Variants in IL23R observed in about 807,000 individuals in gnomAD.
The protein encoded by IL23R is interleukin-23 receptor.
IL23R carries 34 observed loss-of-function variants against 56.9 expected under a neutral mutation model. The observed-to-expected ratio is 0.60, with a 90% confidence interval of 0.45 to 0.80. The LOEUF (loss-of-function observed/expected upper bound fraction) is 0.80, where lower values mean the gene tolerates loss of function less well. IL23R is among the 30% of genes least tolerant of loss of function. IL23R has a pLI of 0.00. For synonymous variants in IL23R, 230 were observed against 249.2 expected, an observed-to-expected ratio of 0.92 and a Z score of 0.73; for missense variants, 635 against 730.0, an observed-to-expected ratio of 0.87 and a Z score of 1.50.
chr1:67,244,407 A>G (rs1652057229), intron 9 of IL23R, among the ~76,000 whole-genome samples: 1 of 152,094 alleles, frequency 6.6e-6, no homozygotes, highest in African/African-American at 2.4e-5. Context: ...CCTGAATGGT[A>G]TTATCTAGGT....
At chr1:67,166,927 C>G (rs1558222571) in intron 1 of IL23R, among the ~76,000 whole-genome samples, 1 of 152,050 alleles carries the variant, frequency 6.6e-6, no homozygotes, top group Non-Finnish European at 1.5e-5. Context: ...AGAAAAAGCT[C>G]AGGTTTTATT....
chr1:67,261,712 C>G (rs1190964454), downstream of IL23R, among the ~76,000 whole-genome samples: 1 of 152,106 alleles, frequency 6.6e-6, no homozygotes, highest in Non-Finnish European at 1.5e-5. Context: ...TGTTTGCAAA[C>G]CTGATGAAGA....
At chr1:67,167,195 C>T (rs1162068032) in intron 1 of IL23R, among the ~76,000 whole-genome samples, 2 of 152,078 alleles carry the variant, frequency 1.3e-5, no homozygotes, top group Admixed American at 6.5e-5. Flanking sequence ...CTTCACCTCC[C>T]GGGTAGCTGG....
the IL23R span, among the ~76,000 whole-genome samples, chr1:67,265,239 A>G: frequency 1.3e-5 from 2 of 152,236 alleles, no homozygotes; most frequent in African/African-American, 4.8e-5. Context: ...ATGCATTTTT[A>G]TTTCTGAACT....
chr1:67,175,558 G>C (rs1361878524), intron 3 of IL23R, among the ~76,000 whole-genome samples: 1 of 152,130 alleles, frequency 6.6e-6, no homozygotes, highest in Non-Finnish European at 1.5e-5. Flanking sequence ...GACTCTTCCA[G>C]ATACCTTGTG....
intron 6 of IL23R, among the ~76,000 whole-genome samples, chr1:67,210,429 G>C (rs566574873): frequency 6.6e-6 from 1 of 151,666 alleles, no homozygotes; most frequent in East Asian, 1.9e-4. Context: ...TTAAGAAATA[G>C]TTTCTGGCCT....
At chr1:67,234,680 GTTACCTT>G (rs1224667466) in intron 7 of IL23R, among the ~76,000 whole-genome samples, 1 of 144,182 alleles carries the variant, frequency 6.9e-6, no homozygotes, top group East Asian at 2.0e-4. Flanking sequence ...TGAAAATTGT[GTTACCTT>G]TTAATGTAGT....
chr1:67,224,594 C>T lies in IL23R; in HGVS notation c.955+4864C>T, dbSNP rs555118900. 6.6e-5 allele frequency among the ~76,000 whole-genome samples: 10 copies of T among 152,344 alleles called. No homozygotes were observed. In the East Asian group the frequency reaches 1.7e-3, roughly 26 times the overall value. Reference sequence around the variant, plus strand: ...CTGTTGCTTTCCCTCTGAATAGTGCCTGGCTTGGCCATTAAAAACCTGGTC... The same window carrying T: ...CTGTTGCTTTCCCTCTGAATAGTGCTTGGCTTGGCCATTAAAAACCTGGTC... On this transcript the variant is annotated intron_variant, in intron 7 of 10. Coordinates refer to ENST00000347310, the MANE Select transcript of IL23R (RefSeq NM_144701.3).
chr1:67,159,906 C>G (rs1646803285), intron 1 of IL23R, among the ~76,000 whole-genome samples: 1 of 152,164 alleles, frequency 6.6e-6, no homozygotes, highest in South Asian at 2.1e-4. Context: ...CAGACCTGCC[C>G]ATGATTGTTA....
At chr1:67,155,354 A>T (rs1326783672) in intron 1 of IL23R, among the ~76,000 whole-genome samples, 1 of 152,046 alleles carries the variant, frequency 6.6e-6, no homozygotes, top group African/African-American at 2.4e-5. Context: ...TAGGTTGGGG[A>T]AGTTCTCCTG....
chr1:67,155,512 C>T (rs1373762047), intron 1 of IL23R, among the ~76,000 whole-genome samples: 1 of 152,038 alleles, frequency 6.6e-6, no homozygotes, highest in African/African-American at 2.4e-5. Flanking sequence ...TTTCTCTAAT[C>T]TTGTCTGTGT....
At chr1:67,147,970 G>A (rs1002787796) in intron 1 of IL23R, among the ~76,000 whole-genome samples, 1 of 152,190 alleles carries the variant, frequency 6.6e-6, no homozygotes, top group Non-Finnish European at 1.5e-5. Context: ...TGGCCTCATG[G>A]ATTCTAAGGA....
intron 7 of IL23R, among the ~76,000 whole-genome samples, chr1:67,228,065 G>C (rs111760419): frequency 0.86 from 72,414 of 84,668 alleles, 31,611 homozygotes; most frequent in East Asian, 0.96. Flanking sequence ...TTCTTTCTCT[G>C]TCTCTCTCTT....
chr1:67,142,940 T>G (rs1481214958), intron 1 of IL23R, among the ~76,000 whole-genome samples: 1 of 152,238 alleles, frequency 6.6e-6, no homozygotes, highest in African/African-American at 2.4e-5. Flanking sequence ...CCTTACTTAA[T>G]CTTCCCTATA....
chr1:67,200,644 C>A, intron 4 of IL23R, 93 bp from the exon 5 acceptor site: 1 of 1,351,220 alleles, frequency 7.4e-7, no homozygotes, highest in East Asian at 2.4e-5. Flanking sequence ...CTTGGTCTCC[C>A]AAAATGCTAG....
rs1334608905 is a variant in IL23R, at chr1:67,219,517, T to C, written c.799-57T>C. 4.5e-6 allele frequency: 7 copies of C among 1,539,818 alleles called. No homozygotes were observed. In the Middle Eastern group the frequency reaches 5.1e-4, roughly 111 times the overall value. ...AGGTGTTCCATACATTTCTGCTAAA[T>C]AAAATAGTTGTTTTAAAAGCACACC... On this transcript the variant is annotated intron_variant, in intron 6 of 10. Coordinates refer to ENST00000347310, the MANE Select transcript of IL23R (RefSeq NM_144701.3).
At position 67,259,272 on chromosome 1, in the gene IL23R, C is replaced by T. The variant is rs149543590; in HGVS notation, c.*144C>T. 2 of 802,312 alleles carry T rather than the reference C, an allele frequency of 2.5e-6. No homozygotes were observed. The highest frequency in any genetic ancestry group is 4.1e-6 in the Non-Finnish European group (2 of 484,886). 49.7% of individuals were successfully genotyped at this position (802,312 alleles called of 1,614,324 possible). ...CACATGGACACATGTTTTCATTTCC[C>T]TTGGATAAATACCTAGGTAGGGGAT... On this transcript the variant is annotated 3_prime_UTR_variant, in exon 11 of 11. Coordinates refer to ENST00000347310, the MANE Select transcript of IL23R (RefSeq NM_144701.3).
chr1:67,230,021 G>C (rs1650992361), intron 7 of IL23R, among the ~76,000 whole-genome samples: 1 of 152,198 alleles, frequency 6.6e-6, no homozygotes, highest in Admixed American at 6.5e-5. Flanking sequence ...GTGAGAGCAG[G>C]ACCCAGAACC....
chr1:67,145,920 G>A (rs112394816), intron 1 of IL23R, among the ~76,000 whole-genome samples: 199 of 152,200 alleles, frequency 1.3e-3, no homozygotes, highest in African/African-American at 4.4e-3. Context: ...TCTAAGGTTG[G>A]GCTTCAGGTG....
Sources: gnomAD v4.1 joint callset for allele counts (sites outside exome capture counted in the v4.1 genomes callset) on GRCh38, gnomAD v4.1.1 for gene constraint, MANE v1.5 for transcripts, NCBI Gene and HGNC (gene_info 2026-07-23, HGNC 2026-07-21) for gene names.